CHD6: variants seen among roughly 807,000 people sequenced by gnomAD.
CHD6 encodes the protein ATP-dependent chromatin remodeler CHD6.
In CHD6, 50 loss-of-function variants were observed where a neutral mutation model predicts 276.9. That is an observed-to-expected ratio of 0.18 (90% CI 0.14 to 0.23). CHD6 has a LOEUF of 0.23. Among genes scored for constraint, CHD6 ranks in the 10% least tolerant of loss-of-function variants. The probability of loss-of-function intolerance (pLI) is 1.00; values close to 1 mark genes in which losing one functional copy is unlikely to be tolerated. For missense variants in CHD6, 2,564 were observed against 3,365.8 expected (o/e 0.76, Z 5.89); for synonymous variants, 1,173 against 1,229.3 (o/e 0.95, Z 0.96).
At chr20:41,514,519 C>T (rs777527348) in intron 4 of CHD6, among the ~76,000 whole-genome samples, 7 of 152,208 alleles carry the variant, frequency 4.6e-5, no homozygotes, top group African/African-American at 7.2e-5. Flanking sequence ...CCTTACCTAG[C>T]TTGGCTCACA....
rs775662324 is a variant in CHD6, at chr20:41,420,918, T to C, written c.5717A>G (p.Gln1906Arg). The C allele has an allele frequency of 1.2e-6, 2 of 1,614,202 alleles. No individual in the cohort carries two copies. Among genetic ancestry groups the C allele is most frequent in the Admixed American group, 3.3e-5 (2 of 60,030 alleles). ...PTTNISREKN[Q>R]GFQDETKKGS... ...TTTCTTGGTTTCATCTTGGAAGCCT[T>C]GGTTCTTTTCCCTTGAGATGTTAGT... Residue 1906 changes from glutamine to arginine, a missense_variant, in exon 31 of 37, where the codon CAA (glutamine) becomes CGA (arginine). Coordinates refer to ENST00000373233, the MANE Select transcript of CHD6 (RefSeq NM_032221.5).
intron 25 of CHD6, among the ~76,000 whole-genome samples, chr20:41,442,952 A>C (rs1487109893): frequency 6.6e-6 from 1 of 152,232 alleles, no homozygotes; most frequent in African/African-American, 2.4e-5. Context: ...GCTTAGGCTC[A>C]GTCTCCTAGC....
At chr20:41,531,549 A>T (rs1406007307) in intron 3 of CHD6, among the ~76,000 whole-genome samples, 1 of 152,178 alleles carries the variant, frequency 6.6e-6, no homozygotes, top group Non-Finnish European at 1.5e-5. Context: ...AATCCTGTTA[A>T]GGTTTTAGTT....
intron 1 of CHD6, among the ~76,000 whole-genome samples, chr20:41,577,446 T>A (rs1281767720): frequency 1.3e-5 from 2 of 152,232 alleles, no homozygotes; most frequent in African/African-American, 4.8e-5. Flanking sequence ...TTTTTCCATC[T>A]ACTCTGACCT....
Position 41,405,426 on chromosome 20 carries a change from G to C in CHD6, c.7315C>G (p.Pro2439Ala), listed in dbSNP as rs779264955. The change falls in exon 37 of 37, where the codon CCC (proline) becomes GCC (alanine). Residue 2439 changes from proline to alanine, a missense_variant. Transcript: ENST00000373233. Reference sequence around the variant, plus strand: ...CGAGGCCGCCTCCCCCTCCTGCGGGGGCCCGTATCTCGAAGAATAGGCTCA... The same window carrying C: ...CGAGGCCGCCTCCCCCTCCTGCGGGCGCCCGTATCTCGAAGAATAGGCTCA... The part of the protein sequence containing the change: ...LAEPILRDTG[P>A]RRRGRRPRSE... 17 of 1,609,080 alleles carry C rather than the reference G, an allele frequency of 1.1e-5. No homozygotes were observed. Among genetic ancestry groups the C allele is most frequent in the Non-Finnish European group, 1.4e-5 (17 of 1,176,838 alleles).
Position 41,499,915 on chromosome 20 carries a change from T to A in CHD6, c.853-558A>T, listed in dbSNP as rs148771961. On this transcript the variant is annotated intron_variant, in intron 5 of 36. Transcript: ENST00000373233. ...AATTATTCTCTATTAAATTGTACCA[T>A]CTTTCCCCTTTGTAGCTGGAAAAGG... 3.3e-5 allele frequency among the ~76,000 whole-genome samples: 5 copies of A among 152,318 alleles called. No homozygotes were observed. The East Asian group carries it at 9.6e-4, about 29-fold the overall frequency.
intron 25 of CHD6, among the ~76,000 whole-genome samples, chr20:41,444,788 T>C (rs1408253587): frequency 6.6e-6 from 1 of 152,140 alleles, no homozygotes; most frequent in Non-Finnish European, 1.5e-5. Flanking sequence ...AACCCCTAGG[T>C]AGGCTGTTTT....
chr20:41,542,723 T>C (rs945789160), intron 2 of CHD6, among the ~76,000 whole-genome samples: 5 of 151,518 alleles, frequency 3.3e-5, no homozygotes, highest in Admixed American at 6.6e-5. Flanking sequence ...ACTGTATTCA[T>C]GGATAAGGAA....
intron 1 of CHD6, among the ~76,000 whole-genome samples, chr20:41,592,321 T>C (rs1009814618): frequency 1.3e-4 from 20 of 152,008 alleles, no homozygotes; most frequent in African/African-American, 4.8e-4. Flanking sequence ...CAAATCTAAG[T>C]GTAGAGTAGA....
chr20:41,516,428 C>G (rs1299537157), intron 3 of CHD6, among the ~76,000 whole-genome samples: 2 of 152,154 alleles, frequency 1.3e-5, no homozygotes, highest in South Asian at 4.1e-4. Flanking sequence ...CCTGCCTCAG[C>G]CTTCCAGAGT....
At chr20:41,483,743 A>T (rs923001751) in intron 15 of CHD6, among the ~76,000 whole-genome samples, 1 of 152,168 alleles carries the variant, frequency 6.6e-6, no homozygotes, top group East Asian at 1.9e-4. Context: ...AAGTCTCACC[A>T]AGTAGAGAGA....
intron 1 of CHD6, among the ~76,000 whole-genome samples, chr20:41,609,667 G>A (rs1413139895): frequency 1.3e-5 from 2 of 151,980 alleles, no homozygotes; most frequent in Non-Finnish European, 2.9e-5. Context: ...TAGGACACCC[G>A]TTACTGTCTC....
At chr20:41,584,421 G>T (rs1326354315) in intron 1 of CHD6, among the ~76,000 whole-genome samples, 2 of 152,102 alleles carry the variant, frequency 1.3e-5, no homozygotes, top group African/African-American at 4.8e-5. Flanking sequence ...GTAATCCATA[G>T]TGTGTAGAAA....
chr20:41,416,646 G>A lies in CHD6; in HGVS notation c.6428C>T (p.Pro2143Leu), dbSNP rs777101298. The A allele has an allele frequency of 1.2e-5, 20 of 1,613,928 alleles. No individual in the cohort carries two copies. Among genetic ancestry groups the A allele is most frequent in the Middle Eastern group, 1.7e-4 (1 of 6,004 alleles). ...SAGSRTSLSE[P>L]EAAEHSFSNG... Reference sequence around the variant, plus strand: ...GCTGAAGCTGTGTTCTGCTGCTTCCGGCTCTGAGAGGCTGGTTCGAGAACC... The same window carrying A: ...GCTGAAGCTGTGTTCTGCTGCTTCCAGCTCTGAGAGGCTGGTTCGAGAACC... The change falls in exon 33 of 37, where the codon CCG (proline) becomes CTG (leucine). Residue 2143 changes from proline to leucine, a missense_variant. Transcript: ENST00000373233.
chr20:41,407,882 T>C (rs76934869), intron 36 of CHD6, among the ~76,000 whole-genome samples: 3,009 of 152,216 alleles, frequency 0.02, 42 homozygotes, highest in South Asian at 0.036. Flanking sequence ...ACGAAGGGCT[T>C]CAGCAGCATC....
intron 16 of CHD6, among the ~76,000 whole-genome samples, chr20:41,476,859 T>G (rs1317778513): frequency 6.6e-6 from 1 of 151,858 alleles, no homozygotes; most frequent in African/African-American, 2.4e-5. Flanking sequence ...TGTGTATATA[T>G]AAACATGTAA....
At chr20:41,593,652 TCTATTTC>T (rs1279086965) in intron 1 of CHD6, among the ~76,000 whole-genome samples, 2 of 152,178 alleles carry the variant, frequency 1.3e-5, no homozygotes, top group Non-Finnish European at 2.9e-5. Flanking sequence ...AGCCCTAAAC[TCTATTTC>T]CTCAGCATGT....
chr20:41,563,250 G>A (rs1301144353), intron 1 of CHD6, among the ~76,000 whole-genome samples: 7 of 152,170 alleles, frequency 4.6e-5, no homozygotes, highest in Non-Finnish European at 2.9e-5. Flanking sequence ...TATTAGGAAA[G>A]CCCATTCTGA....
intron 2 of CHD6, among the ~76,000 whole-genome samples, chr20:41,535,099 C>T (rs1323442563): frequency 6.6e-6 from 1 of 152,080 alleles, no homozygotes; most frequent in African/African-American, 2.4e-5. Context: ...AGATCTACTC[C>T]CACCGAGGCA....
Sources: allele counts gnomAD v4.1 joint callset (sites outside exome capture counted in the v4.1 genomes callset), GRCh38; gene constraint gnomAD v4.1.1; transcripts MANE v1.5; gene names NCBI Gene and HGNC (gene_info 2026-07-23, HGNC 2026-07-21).